SLC24A2: variants seen among roughly 807,000 people sequenced by gnomAD.
SLC24A2 encodes the protein sodium/potassium/calcium exchanger 2.
SLC24A2 carries 36 observed loss-of-function variants against 62.0 expected under a neutral mutation model. The observed-to-expected ratio is 0.58, with a 90% CI of 0.44 to 0.77. The LOEUF (loss-of-function observed/expected upper bound fraction) is 0.77, where lower values mean the gene tolerates loss of function less well. Ranked by LOEUF, SLC24A2 falls within the 30% of genes least tolerant of loss-of-function variation. The pLI is 0.00. For synonymous variants in SLC24A2, 358 were observed against 294.0 expected (o/e 1.22, Z -2.23); for missense variants, 846 against 817.9 (o/e 1.03, Z -0.42).
intron 10 of SLC24A2, among the ~76,000 whole-genome samples, chr9:19,517,957 A>ACACACACACACT (rs71504202): frequency 5.2e-5 from 7 of 135,582 alleles, no homozygotes; most frequent in African/African-American, 1.6e-4. Context: ...ACACACACAC[A>ACACACACACACT]CTCTCACACT....
intron 4 of SLC24A2, among the ~76,000 whole-genome samples, chr9:19,606,044 T>C (rs191833580): frequency 1.3e-5 from 2 of 152,228 alleles, no homozygotes; most frequent in African/African-American, 2.4e-5. Context: ...GCACATTGTG[T>C]GATGTCACCT....
chr9:20,132,456 G>A, the SLC24A2 span, among the ~76,000 whole-genome samples: 70 of 152,180 alleles, frequency 4.6e-4, no homozygotes, highest in African/African-American at 1.7e-3. Flanking sequence ...TGCTTTTTGA[G>A]TTTTTGGGGT....
chr9:19,725,029 A>C (rs1237956602), intron 2 of SLC24A2, among the ~76,000 whole-genome samples: 2 of 152,080 alleles, frequency 1.3e-5, no homozygotes, highest in Non-Finnish European at 2.9e-5. Flanking sequence ...CACCATCCAA[A>C]ACCTCTGTCT....
At chr9:20,108,356 C>A in the SLC24A2 span, among the ~76,000 whole-genome samples, 1 of 152,002 alleles carries the variant, frequency 6.6e-6, no homozygotes, top group Non-Finnish European at 1.5e-5. Flanking sequence ...GGGTATATAC[C>A]CAAAGGACTA....
the SLC24A2 span, among the ~76,000 whole-genome samples, chr9:20,204,490 T>G: frequency 1.3e-5 from 2 of 152,214 alleles, no homozygotes; most frequent in Non-Finnish European, 1.5e-5. Context: ...CAAGTGGTGC[T>G]AAAATATTCA....
chr9:19,550,865 T>C (rs552086930), intron 7 of SLC24A2, among the ~76,000 whole-genome samples: 134 of 152,266 alleles, frequency 8.8e-4, no homozygotes, highest in African/African-American at 3.2e-3. Flanking sequence ...TTCATTGATA[T>C]TTTACGTATT....
intron 2 of SLC24A2, among the ~76,000 whole-genome samples, chr9:19,748,120 G>T (rs939124807): frequency 2.6e-5 from 4 of 152,100 alleles, no homozygotes; most frequent in Non-Finnish European, 5.9e-5. Flanking sequence ...AATATCATGT[G>T]TGTTCCCAGG....
chr9:20,083,380 G>A, the SLC24A2 span, among the ~76,000 whole-genome samples: 1 of 152,290 alleles, frequency 6.6e-6, no homozygotes, highest in East Asian at 1.9e-4. Flanking sequence ...TGCTTTTCAT[G>A]CCATAGCCCA....
chr9:19,626,477 C>T (rs1338390632), intron 2 of SLC24A2, among the ~76,000 whole-genome samples: 2 of 152,178 alleles, frequency 1.3e-5, no homozygotes, highest in African/African-American at 4.8e-5. Flanking sequence ...CAGTTCGTTG[C>T]TAAAGCTAAG....
the SLC24A2 span, among the ~76,000 whole-genome samples, chr9:20,203,059 T>TAA: frequency 4.6e-5 from 7 of 151,846 alleles, no homozygotes; most frequent in South Asian, 6.3e-4. Flanking sequence ...CCCCATTAAT[T>TAA]AACACACATC....
intron 2 of SLC24A2, among the ~76,000 whole-genome samples, chr9:19,757,841 C>T (rs1340519043): frequency 6.6e-6 from 1 of 152,012 alleles, no homozygotes. Context: ...GTAGTGAGTT[C>T]TCCCTCTGGC....
At chr9:20,214,497 C>T in the SLC24A2 span, among the ~76,000 whole-genome samples, 31 of 152,134 alleles carry the variant, frequency 2.0e-4, no homozygotes, top group African/African-American at 3.4e-4. Context: ...CCCCTGTAGT[C>T]CCAGCTACTC....
the SLC24A2 span, among the ~76,000 whole-genome samples, chr9:20,078,512 C>T: frequency 6.6e-6 from 1 of 152,130 alleles, no homozygotes; most frequent in Non-Finnish European, 1.5e-5. Context: ...TCTTGTCTCC[C>T]TTCCACCCTT....
the SLC24A2 span, among the ~76,000 whole-genome samples, chr9:19,828,050 C>T: frequency 2.1e-3 from 321 of 152,238 alleles, 8 homozygotes; most frequent in South Asian, 0.048. Flanking sequence ...GGTTTTATGA[C>T]GGTCAACATT....
At chr9:20,182,408 G>T in the SLC24A2 span, among the ~76,000 whole-genome samples, 3 of 152,218 alleles carry the variant, frequency 2.0e-5, no homozygotes, top group African/African-American at 7.2e-5. Flanking sequence ...ATGATAGACT[G>T]GATAAAGAAA....
chr9:19,665,867 C>T (rs1248234449), intron 2 of SLC24A2, among the ~76,000 whole-genome samples: 1 of 152,074 alleles, frequency 6.6e-6, no homozygotes, highest in Non-Finnish European at 1.5e-5. Flanking sequence ...TGCCCAGACT[C>T]CATGTGGTCC....
chr9:20,218,327 T>C, the SLC24A2 span, among the ~76,000 whole-genome samples: 5 of 152,192 alleles, frequency 3.3e-5, no homozygotes, highest in African/African-American at 9.6e-5. Context: ...CTTGCTATGT[T>C]ACTGGTCTAT....
the SLC24A2 span, among the ~76,000 whole-genome samples, chr9:20,187,358 A>ACCACT: frequency 6.6e-6 from 1 of 152,296 alleles, no homozygotes; most frequent in South Asian, 2.1e-4. Context: ...ACAGATAGTA[A>ACCACT]AAGAGAGAAT....
At chr9:20,108,565 G>C in the SLC24A2 span, among the ~76,000 whole-genome samples, 1 of 152,058 alleles carries the variant, frequency 6.6e-6, no homozygotes, top group East Asian at 1.9e-4. Flanking sequence ...GGATGAAGTT[G>C]GAAATCATCA....
Sources: gnomAD v4.1 joint callset for allele counts (sites outside exome capture counted in the v4.1 genomes callset) on GRCh38, gnomAD v4.1.1 for gene constraint, MANE v1.5 for transcripts, NCBI Gene and HGNC (gene_info 2026-07-23, HGNC 2026-07-21) for gene names.